CECR2: variants seen among roughly 807,000 people sequenced by gnomAD.
CECR2 encodes the protein CECR2 histone acetyl-lysine reader.
CECR2 carries 30 observed loss-of-function variants against 154.5 expected under a neutral mutation model. That is an observed-to-expected ratio of 0.19 (90% CI 0.15 to 0.26). The LOEUF (loss-of-function observed/expected upper bound fraction) is 0.26, where lower values mean the gene tolerates loss of function less well. Among genes scored for constraint, CECR2 ranks in the 10% least tolerant of loss-of-function variants. The probability of loss-of-function intolerance (pLI) is 1.00; values close to 1 mark genes in which losing one functional copy is unlikely to be tolerated. For synonymous variants in CECR2, 725 were observed against 683.7 expected (o/e 1.06, Z -0.94); for missense variants, 1,743 against 1,829.3 (o/e 0.95, Z 0.86).
At position 17,474,228 on chromosome 22, in the gene CECR2, T is replaced by G. The variant is rs368715108; in HGVS notation, c.127-3360T>G. Among the ~76,000 whole-genome samples the G allele has an allele frequency of 6.7e-4, 102 of 152,282 alleles. 1 individual carries two copies. The highest frequency in any genetic ancestry group is 2.1e-3 in the African/African-American group (89 of 41,578). On this transcript the variant is annotated intron_variant, in intron 1 of 18. Coordinates refer to ENST00000262608, the MANE Select transcript of CECR2 (RefSeq NM_001290047.2). ...AAGTTAGCTTGGACCTGCAAATTTT[T>G]GGGTGGGTTTTCTGGGTGGCTTCTG...
rs571489519 is a variant in CECR2 at position 17,431,128 on chromosome 22, G to A, written c.127-46460G>A. Among the ~76,000 whole-genome samples the A allele has an allele frequency of 2.6e-5, 4 of 152,232 alleles. No homozygotes were observed. In the East Asian group the frequency reaches 7.7e-4, roughly 29 times the overall value. On this transcript the variant is annotated intron_variant, in intron 1 of 18. Coordinates refer to ENST00000262608, the MANE Select transcript of CECR2 (RefSeq NM_001290047.2). ...GCTTCTGAATGCTGTATCTGTTTTT[G>A]CTAAAGCTGGGGTAAAAAAGAAAAC...
chr22:17,403,530 G>A (rs1323056553), intron 1 of CECR2, among the ~76,000 whole-genome samples: 1 of 152,142 alleles, frequency 6.6e-6, no homozygotes, highest in African/African-American at 2.4e-5. Context: ...TAGTGAATAA[G>A]GGGCTCTAGT....
intron 1 of CECR2, among the ~76,000 whole-genome samples, chr22:17,373,662 T>G (rs1159219135): frequency 9.2e-5 from 14 of 152,090 alleles, no homozygotes; most frequent in Admixed American, 9.2e-4. Context: ...GTAGTTGATA[T>G]AAACAGATGA....
At position 17,435,697 on chromosome 22, in the gene CECR2, A is replaced by C. The variant is rs992125101; in HGVS notation, c.127-41891A>C. Reference sequence around the variant, plus strand: ...TCTTTTAATTCTTAAAAAAAAAAAAAAAAAAAAAAAAAACAGGAGCAGGAC... The same window carrying C: ...TCTTTTAATTCTTAAAAAAAAAAAACAAAAAAAAAAAAACAGGAGCAGGAC... On this transcript the variant is annotated intron_variant, in intron 1 of 18. Coordinates refer to ENST00000262608, the MANE Select transcript of CECR2 (RefSeq NM_001290047.2). 1.7e-3 allele frequency among the ~76,000 whole-genome samples: 258 copies of C among 149,360 alleles called. 5 individuals are homozygous for C. In the East Asian group the frequency reaches 0.045, roughly 26 times the overall value.
chr22:17,425,760 C>A (rs1302682650), intron 1 of CECR2, among the ~76,000 whole-genome samples: 2 of 152,150 alleles, frequency 1.3e-5, no homozygotes, highest in East Asian at 3.9e-4. Flanking sequence ...AGAGATAAAC[C>A]AGATAGGAGG....
chr22:17,434,304 C>A (rs530429975), intron 1 of CECR2, among the ~76,000 whole-genome samples: 1 of 152,220 alleles, frequency 6.6e-6, no homozygotes, highest in South Asian at 2.1e-4. Flanking sequence ...AGAGGTCATG[C>A]TCTGAGTCCA....
intron 8 of CECR2, among the ~76,000 whole-genome samples, chr22:17,521,163 GT>G (rs2056150996): frequency 1.3e-5 from 2 of 152,148 alleles, no homozygotes; most frequent in African/African-American, 2.4e-5. Context: ...TCTCATTGTG[GT>G]TTTGATTTGC....
At chr22:17,508,135 T>C (rs1300684830) in intron 7 of CECR2, among the ~76,000 whole-genome samples, 1 of 152,232 alleles carries the variant, frequency 6.6e-6, no homozygotes, top group African/African-American at 2.4e-5. Flanking sequence ...AAACCATTTA[T>C]ACCACTGTGG....
chr22:17,462,988 T>C (rs2054967271), intron 1 of CECR2, among the ~76,000 whole-genome samples: 1 of 152,098 alleles, frequency 6.6e-6, no homozygotes, highest in South Asian at 2.1e-4. Flanking sequence ...CAGACAAAGC[T>C]CCTCAAGGGG....
intron 11 of CECR2, 24 bp downstream of exon 11, chr22:17,538,581 C>G (rs780988534): frequency 1.5e-5 from 24 of 1,613,480 alleles, no homozygotes; most frequent in Non-Finnish European, 2.0e-5. Context: ...CTCCACTGTT[C>G]TGTTTGTGAT....
chr22:17,547,645 C>A (rs9605323), intron 16 of CECR2, among the ~76,000 whole-genome samples: 21,221 of 152,214 alleles, frequency 0.14, 1,950 homozygotes, highest in East Asian at 0.44. Flanking sequence ...ACTGAGAGGA[C>A]AGTGAGACGG....
At chr22:17,386,429 G>C (rs932241080) in intron 1 of CECR2, among the ~76,000 whole-genome samples, 4 of 152,148 alleles carry the variant, frequency 2.6e-5, no homozygotes, top group Admixed American at 2.6e-4. Context: ...ATTAATCTCA[G>C]TTCCTTCATT....
chr22:17,438,144 G>A (rs1389922823), intron 1 of CECR2, among the ~76,000 whole-genome samples: 3 of 152,198 alleles, frequency 2.0e-5, no homozygotes, highest in African/African-American at 7.2e-5. Flanking sequence ...GTATCATAAT[G>A]CATTGTAAAG....
chr22:17,524,424 G>A (rs1228981678), intron 9 of CECR2, 153 bp downstream of exon 9: 15 of 824,800 alleles, frequency 1.8e-5, no homozygotes, highest in South Asian at 7.2e-5. Context: ...ACGGAGTCTC[G>A]CTGTGTCGCC....
chr22:17,495,152 A>C (rs2146860811), intron 2 of CECR2, among the ~76,000 whole-genome samples: 1 of 152,352 alleles, frequency 6.6e-6, no homozygotes, highest in African/African-American at 2.4e-5. Flanking sequence ...TTTGCTTATT[A>C]ATAAGAAAAA....
intron 4 of CECR2, 112 bp downstream of exon 4, chr22:17,499,661 A>G: frequency 9.2e-7 from 1 of 1,086,686 alleles, no homozygotes; most frequent in Non-Finnish European, 1.3e-6. Context: ...GAATTCTCTA[A>G]GCATGCCTGC....
chr22:17,362,473 C>T (rs932694191), intron 1 of CECR2, among the ~76,000 whole-genome samples: 5 of 152,102 alleles, frequency 3.3e-5, no homozygotes, highest in Non-Finnish European at 7.3e-5. Context: ...TAGTCCCAAC[C>T]GAGATGTCCT....
intron 1 of CECR2, among the ~76,000 whole-genome samples, chr22:17,380,478 C>T (rs1456867704): frequency 6.6e-6 from 1 of 152,192 alleles, no homozygotes; most frequent in Non-Finnish European, 1.5e-5. Context: ...AGCTTTGGTT[C>T]TACAGCCCAG....
rs534618593 is a variant in CECR2 at position 17,420,580 on chromosome 22, C to G, written c.126+50671C>G. Among the ~76,000 whole-genome samples, 15 of 152,160 alleles carry G rather than the reference C, an allele frequency of 9.9e-5. No individual in the cohort carries two copies. In the East Asian group the frequency reaches 1.9e-3, roughly 20 times the overall value. On this transcript the variant is annotated intron_variant, in intron 1 of 18. Coordinates refer to ENST00000262608, the MANE Select transcript of CECR2 (RefSeq NM_001290047.2). ...TTAGTGTGTTATTTATTGAGCATAG[C>G]TTGTCCCAACCACTGTGTTAGATTA...
Sources: gnomAD v4.1 joint callset for allele counts (sites outside exome capture counted in the v4.1 genomes callset) on GRCh38, gnomAD v4.1.1 for gene constraint, MANE v1.5 for transcripts, NCBI Gene and HGNC (gene_info 2026-07-23, HGNC 2026-07-21) for gene names.